FAM193B: variants seen among roughly 807,000 people sequenced by gnomAD.
The protein encoded by FAM193B is protein FAM193B.
FAM193B carries 27 observed loss-of-function variants against 70.7 expected under a neutral mutation model. That is an observed-to-expected ratio of 0.38 (90% CI 0.28 to 0.53). FAM193B has a LOEUF of 0.53. Among genes scored for constraint, FAM193B ranks in the 20% least tolerant of loss-of-function variants. The pLI, the probability that FAM193B is intolerant of heterozygous loss-of-function variation, is 0.81. For missense variants in FAM193B, 1,022 were observed against 1,072.5 expected, an observed-to-expected ratio of 0.95 and a Z score of 0.66; for synonymous variants, 448 against 436.0, an observed-to-expected ratio of 1.03 and a Z score of -0.34.
chr5:177,530,989 C>T (rs1763357422), intron 5 of FAM193B, among the ~76,000 whole-genome samples: 1 of 152,214 alleles, frequency 6.6e-6, no homozygotes, highest in African/African-American at 2.4e-5. Flanking sequence ...ACTTTGGCTG[C>T]CAGTATTTGT....
At chr5:177,547,485 C>T (rs948166021) in intron 1 of FAM193B, among the ~76,000 whole-genome samples, 3 of 150,804 alleles carry the variant, frequency 2.0e-5, no homozygotes, top group Non-Finnish European at 3.0e-5. Context: ...GGGGTTTCAC[C>T]GTGTTAGCCA....
chr5:177,521,952 G>T (rs1166524871), intron 8 of FAM193B, 22 bp downstream of exon 8: 4 of 1,592,876 alleles, frequency 2.5e-6, no homozygotes, highest in Non-Finnish European at 3.4e-6. Flanking sequence ...GGCAGTGGAT[G>T]TAACTCTTGG....
rs999853623 is a variant in FAM193B at position 177,532,968 on chromosome 5, C to T, written c.1077-327G>A. Among the ~76,000 whole-genome samples the T allele has an allele frequency of 3.3e-5, 5 of 152,220 alleles. No homozygotes were observed. The highest frequency in any genetic ancestry group is 7.2e-5 in the African/African-American group (3 of 41,446). On this transcript the variant is annotated intron_variant, in intron 4 of 8. Coordinates refer to ENST00000514747, the MANE Select transcript of FAM193B (RefSeq NM_001190946.3). This position sits in a 1 kb window ranked among gnomAD's most constrained non-coding sequence, Gnocchi z 4.9. ...GTGCGTCACTGTCATGGTCTGTTTG[C>T]GCATTTGTCTCTCAAACTGGACTGC...
chr5:177,554,518 G>GCTA lies in FAM193B; in HGVS notation c.-61_-60insTAG. The GCTA allele has an allele frequency of 2.2e-6, 2 of 914,316 alleles. No individual in the cohort carries two copies. The highest frequency in any genetic ancestry group is 2.6e-6 in the Non-Finnish European group (2 of 762,182). 56.6% of individuals were successfully genotyped at this position (914,316 alleles called of 1,614,324 possible). On this transcript the variant is annotated 5_prime_UTR_variant, in exon 1 of 9. Transcript: ENST00000514747. Reference sequence around the variant, plus strand: ...CGCCGCCGCCGCCGCCGCCGCCGCCGCCGCCGCCGCCGCTACCGCTCCCCT... The same window carrying GCTA: ...CGCCGCCGCCGCCGCCGCCGCCGCCGCTACCGCCGCCGCCGCTACCGCTCCCCT...
Position 177,554,529 on chromosome 5 carries a change from C to CACA in FAM193B, c.-72_-71insTGT. On this transcript the variant is annotated 5_prime_UTR_variant, in exon 1 of 9. Transcript: ENST00000514747. Reference sequence around the variant, plus strand: ...CCGCCGCCGCCGCCGCCGCCGCCGCCGCTACCGCTCCCCTCACAGGACAAC... The same window carrying CACA: ...CCGCCGCCGCCGCCGCCGCCGCCGCCACAGCTACCGCTCCCCTCACAGGACAAC... 1.1e-6 allele frequency: 1 copy of CACA among 906,926 alleles called. No homozygotes were observed. The highest frequency in any genetic ancestry group is 1.3e-6 in the Non-Finnish European group (1 of 754,534). 56.2% of individuals were successfully genotyped at this position (906,926 alleles called of 1,614,324 possible). A position where few individuals can be genotyped will look rare whatever the true frequency, so the allele number is the denominator to read the frequency against.
chr5:177,546,644 C>T (rs1485115242), intron 1 of FAM193B, among the ~76,000 whole-genome samples: 1 of 152,228 alleles, frequency 6.6e-6, no homozygotes, highest in South Asian at 2.1e-4. Flanking sequence ...AGAGCTGACA[C>T]AACCCCACCT....
Position 177,554,189 on chromosome 5 carries a change from G to T in FAM193B, c.210+60C>A, listed in dbSNP as rs1049368770. On this transcript the variant is annotated intron_variant, in intron 1 of 8. Coordinates refer to ENST00000514747, the MANE Select transcript of FAM193B (RefSeq NM_001190946.3). Reference sequence around the variant, plus strand: ...CCATCCCCAACCCCGCCCCACTCCCGCTCCCGCTCGGGGAAGGTGAAAGCG... The same window carrying T: ...CCATCCCCAACCCCGCCCCACTCCCTCTCCCGCTCGGGGAAGGTGAAAGCG... The T allele has an allele frequency of 8.9e-6, 13 of 1,466,956 alleles. No individual in the cohort carries two copies. The African/African-American group carries it at 1.9e-4, about 21-fold the overall frequency. The allele number at this position is 1,466,956 out of a possible 1,614,324, so 90.9% of individuals were successfully genotyped here.
intron 1 of FAM193B, chr5:177,553,932 G>C (rs1183206999): frequency 8.1e-7 from 1 of 1,228,184 alleles, no homozygotes; most frequent in East Asian, 4.9e-5. Context: ...GGCCGAGAGC[G>C]GAGCTGCGGC....
Position 177,554,500 on chromosome 5 carries a change from GC to G in FAM193B, c.-43del, listed in dbSNP as rs1766809918. On this transcript the variant is annotated 5_prime_UTR_variant, in exon 1 of 9. Coordinates refer to ENST00000514747, the MANE Select transcript of FAM193B (RefSeq NM_001190946.3). Reference sequence around the variant, plus strand: ...CTCCCTCGCTCCACACGCCGCCGCCGCCGCCGCCGCCGCCGCCGCCGCCGCC... The same window carrying G: ...CTCCCTCGCTCCACACGCCGCCGCCGCGCCGCCGCCGCCGCCGCCGCCGCC... The G allele has an allele frequency of 2.6e-6, 2 of 779,926 alleles. No individual in the cohort carries two copies. The highest frequency in any genetic ancestry group is 3.1e-6 in the Non-Finnish European group (2 of 644,446). 48.3% of individuals were successfully genotyped at this position (779,926 alleles called of 1,614,324 possible). A position where few individuals can be genotyped will look rare whatever the true frequency, so the allele number is the denominator to read the frequency against.
chr5:177,551,397 T>C (rs1448795354), intron 1 of FAM193B, among the ~76,000 whole-genome samples: 1 of 152,210 alleles, frequency 6.6e-6, no homozygotes, highest in East Asian at 1.9e-4. Flanking sequence ...CTGAAACAAT[T>C]GAAAGCCATT....
rs1466739177 is a variant in FAM193B at position 177,519,853 on chromosome 5, T to C, written c.*330A>G. The C allele has an allele frequency of 1.3e-5, 2 of 152,140 alleles. No homozygotes were observed. The highest frequency in any genetic ancestry group is 6.5e-5 in the Admixed American group (1 of 15,286). 9.4% of individuals were successfully genotyped at this position (152,140 alleles called of 1,614,324 possible). ...TCTTCACAGTATCAAAAGTAAAGAA[T>C]TGGAAAAAAACAAAATAAAAACAAA... On this transcript the variant is annotated 3_prime_UTR_variant, in exon 9 of 9. Coordinates refer to ENST00000514747, the MANE Select transcript of FAM193B (RefSeq NM_001190946.3).
intron 8 of FAM193B, among the ~76,000 whole-genome samples, chr5:177,521,019 A>G (rs943650190): frequency 6.6e-6 from 1 of 152,146 alleles, no homozygotes; most frequent in Non-Finnish European, 1.5e-5. Context: ...TTAGGCCCAG[A>G]GAGGAGCTGG....
At chr5:177,528,542 T>C (rs1762972562) in intron 5 of FAM193B, among the ~76,000 whole-genome samples, 2 of 152,136 alleles carry the variant, frequency 1.3e-5, no homozygotes, top group African/African-American at 4.8e-5. Flanking sequence ...GTCAAGAAAG[T>C]ACCGCACAGG....
chr5:177,544,533 C>G (rs890981062), intron 1 of FAM193B, among the ~76,000 whole-genome samples: 1 of 152,174 alleles, frequency 6.6e-6, no homozygotes, highest in African/African-American at 2.4e-5. Context: ...AAACAACTGA[C>G]AGTATTTGTG....
rs967474962 is a variant in FAM193B, at chr5:177,539,142, G to T, written c.216C>A (p.Pro72=). 3.8e-6 allele frequency: 6 copies of T among 1,565,066 alleles called. No homozygotes were observed. The highest frequency in any genetic ancestry group is 5.2e-6 in the Non-Finnish European group (6 of 1,155,024). The change falls in exon 2 of 9, where the codon CCC becomes CCA. Residue 72 remains proline, a synonymous_variant. Transcript: ENST00000514747. ...TCTGCACAGGCTGGCTGGAGGCGGG[G>T]GGGACCTGTCCAACAGACAGAAACA... ...EPNLVPGPQV[P]PASSQPVQTC... is the part of the protein sequence containing the mutation.
chr5:177,553,033 A>G (rs565364564), intron 1 of FAM193B: 9 of 278,654 alleles, frequency 3.2e-5, no homozygotes, highest in Non-Finnish European at 3.8e-5. Flanking sequence ...TATCAACACA[A>G]TGTTTCATCA....
chr5:177,545,075 G>A (rs1054315345), intron 1 of FAM193B, among the ~76,000 whole-genome samples: 4 of 151,904 alleles, frequency 2.6e-5, no homozygotes, highest in Middle Eastern at 3.2e-3. Context: ...ATGAAATCTC[G>A]CTCTGTCATC....
At position 177,553,866 on chromosome 5, in the gene FAM193B, C is replaced by T. The variant is rs1229097660; in HGVS notation, c.210+383G>A. On this transcript the variant is annotated intron_variant, in intron 1 of 8. Transcript: ENST00000514747. ...GGAAGAGGCTGCAGTCGTCCAGTCC[C>T]AGAGCCCCGAGATGGCCTGTGGCTG... 5.6e-6 allele frequency: 7 copies of T among 1,259,706 alleles called. No homozygotes were observed. In the East Asian group the frequency reaches 2.8e-4, roughly 50 times the overall value. 78.0% of individuals were successfully genotyped at this position (1,259,706 alleles called of 1,614,324 possible). A position where few individuals can be genotyped will look rare whatever the true frequency, so the allele number is the denominator to read the frequency against.
rs545994987 is a variant in FAM193B at position 177,538,016 on chromosome 5, G to T, written c.545C>A (p.Ser182Tyr). Residue 182 changes from serine to tyrosine, a missense_variant, in exon 3 of 9, where the codon TCC becomes TAC. Transcript: ENST00000514747. The surrounding 1 kb of genome is among the most constrained non-coding windows in gnomAD (Gnocchi z 4.1). Reference protein sequence around the residue: ...SSSSSSSSSSSSSSCPGNSGD... With the variant: ...SSSSSSSSSSYSSSCPGNSGD... Reference sequence around the variant, plus strand: ...CGAGTTCCCAGGGCAGGAAGAGGAGGACGAGGATGAGGATGATGAGGAGGA... The same window carrying T: ...CGAGTTCCCAGGGCAGGAAGAGGAGTACGAGGATGAGGATGATGAGGAGGA... 32 of 1,556,184 alleles carry T rather than the reference G, an allele frequency of 2.1e-5. No individual in the cohort carries two copies. In the South Asian group the frequency reaches 3.7e-4, roughly 18 times the overall value.
Sources: allele counts gnomAD v4.1 joint callset (sites outside exome capture counted in the v4.1 genomes callset), GRCh38; gene constraint gnomAD v4.1.1; non-coding constraint Gnocchi (gnomAD v3.1); transcripts MANE v1.5; gene names NCBI Gene and HGNC (gene_info 2026-07-23, HGNC 2026-07-21).